The following SH3RF3 variants were observed in gnomAD, a reference collection of about 807,000 sequenced individuals.
The protein encoded by SH3RF3 is SH3 domain containing ring finger 3, also known as E3 ubiquitin-protein ligase SH3RF3.
SH3RF3 carries 29 observed loss-of-function variants against 66.3 expected under a neutral mutation model. That is an observed-to-expected ratio of 0.44 (90% CI 0.33 to 0.60). SH3RF3 has a LOEUF of 0.60. SH3RF3 is among the 20% of genes least tolerant of loss of function. The pLI, the probability that SH3RF3 is intolerant of heterozygous loss-of-function variation, is 0.04. For synonymous variants in SH3RF3, 583 were observed against 532.0 expected (o/e 1.10, Z -1.32); for missense variants, 1,194 against 1,190.9 (o/e 1.00, Z -0.04).
chr2:109,174,236 A>G (rs1677866827), intron 1 of SH3RF3, among the ~76,000 whole-genome samples: 1 of 152,260 alleles, frequency 6.6e-6, no homozygotes, highest in South Asian at 2.1e-4. Context: ...GGTGGACATC[A>G]CAGTTTTATC....
chr2:109,413,151 G>A (rs1676639286), intron 4 of SH3RF3, among the ~76,000 whole-genome samples: 1 of 152,204 alleles, frequency 6.6e-6, no homozygotes, highest in Admixed American at 6.5e-5. Context: ...GTCTTGCTCT[G>A]TCGCCCAGGC....
At chr2:109,338,557 CTTTTTA>C (rs1289648685) in intron 1 of SH3RF3, among the ~76,000 whole-genome samples, 1 of 151,950 alleles carries the variant, frequency 6.6e-6, no homozygotes, top group Non-Finnish European at 1.5e-5. Flanking sequence ...CTGTGTGTAA[CTTTTTA>C]TTTTTATTTT....
chr2:109,320,702 AG>A (rs1470036541), intron 1 of SH3RF3, among the ~76,000 whole-genome samples: 1 of 152,212 alleles, frequency 6.6e-6, no homozygotes, highest in Non-Finnish European at 1.5e-5. Context: ...TCTTCTGTAA[AG>A]ATATCAGCCC....
At chr2:109,425,888 CT>C (rs1304108334) in intron 5 of SH3RF3, among the ~76,000 whole-genome samples, 2 of 151,876 alleles carry the variant, frequency 1.3e-5, no homozygotes, top group African/African-American at 4.8e-5. Context: ...ACATCTTTTT[CT>C]TTCTTTCTTT....
At chr2:109,410,815 G>C (rs1676569063) in intron 4 of SH3RF3, among the ~76,000 whole-genome samples, 1 of 151,544 alleles carries the variant, frequency 6.6e-6, no homozygotes, top group African/African-American at 2.4e-5. Context: ...CTTCGTGGGA[G>C]ACAGGGCTGC....
intron 1 of SH3RF3, among the ~76,000 whole-genome samples, chr2:109,190,530 T>G (rs1265889610): frequency 6.6e-6 from 1 of 152,202 alleles, no homozygotes; most frequent in Non-Finnish European, 1.5e-5. Flanking sequence ...AAATGTTGAT[T>G]GTGTTTCCTG....
At chr2:109,190,461 A>G (rs1461138728) in intron 1 of SH3RF3, among the ~76,000 whole-genome samples, 1 of 152,204 alleles carries the variant, frequency 6.6e-6, no homozygotes, top group African/African-American at 2.4e-5. Context: ...GGCGTGAGCC[A>G]CTGCGCCTGG....
chr2:109,485,808 C>T (rs1162407709), intron 8 of SH3RF3, among the ~76,000 whole-genome samples: 1 of 152,258 alleles, frequency 6.6e-6, no homozygotes, highest in East Asian at 1.9e-4. Context: ...TGTTCCGTGC[C>T]TGGGCACAGG....
At chr2:109,374,351 TCAG>T (rs1389027986) in intron 3 of SH3RF3, among the ~76,000 whole-genome samples, 1 of 152,064 alleles carries the variant, frequency 6.6e-6, no homozygotes, top group African/African-American at 2.4e-5. Flanking sequence ...TCCCGGACTC[TCAG>T]CAGCCACTGA....
intron 1 of SH3RF3, chr2:109,313,763 A>T (rs1681795229): frequency 6.5e-6 from 1 of 154,984 alleles, no homozygotes; most frequent in African/African-American, 2.4e-5. Context: ...CTTTGTAGCG[A>T]TGGGGTCAGC....
intron 9 of SH3RF3, among the ~76,000 whole-genome samples, chr2:109,498,762 C>A (rs1679316505): frequency 1.3e-5 from 2 of 152,182 alleles, no homozygotes; most frequent in Admixed American, 6.5e-5. Flanking sequence ...ATGGGGCTTG[C>A]AGACTGGTGC....
intron 1 of SH3RF3, among the ~76,000 whole-genome samples, chr2:109,332,561 G>C (rs945908920): frequency 2.0e-5 from 3 of 152,192 alleles, no homozygotes; most frequent in African/African-American, 7.2e-5. Context: ...CCGCAGTTCA[G>C]CCCTCTCTGG....
intron 1 of SH3RF3, among the ~76,000 whole-genome samples, chr2:109,279,910 G>A (rs567929579): frequency 6.6e-6 from 1 of 152,044 alleles, no homozygotes; most frequent in East Asian, 1.9e-4. Flanking sequence ...GATGAGAGTT[G>A]GGAGGTAATT....
chr2:109,338,278 A>G (rs1409343627), intron 1 of SH3RF3, among the ~76,000 whole-genome samples: 3 of 152,192 alleles, frequency 2.0e-5, no homozygotes, highest in African/African-American at 7.2e-5. Context: ...TTTTGCAGGT[A>G]CGGAAACTGA....
At chr2:109,403,636 G>T (rs959308805) in intron 4 of SH3RF3, among the ~76,000 whole-genome samples, 6 of 152,228 alleles carry the variant, frequency 3.9e-5, no homozygotes, top group Non-Finnish European at 7.3e-5. Flanking sequence ...CCCCTGCTTT[G>T]CTTTTCTTTT....
intron 1 of SH3RF3, among the ~76,000 whole-genome samples, chr2:109,326,851 G>A (rs1682172742): frequency 6.6e-6 from 1 of 152,222 alleles, no homozygotes; most frequent in Non-Finnish European, 1.5e-5. Flanking sequence ...GGTGCGCACA[G>A]CCACTGGCCC....
At chr2:109,251,339 C>G in intron 1 of SH3RF3, 1 of 518,296 alleles carries the variant, frequency 1.9e-6, no homozygotes, top group East Asian at 4.2e-5. Flanking sequence ...TAGAGAGATG[C>G]AAGACACCCG....
chr2:109,381,518 C>T (rs1178303277), intron 3 of SH3RF3, among the ~76,000 whole-genome samples: 2 of 152,138 alleles, frequency 1.3e-5, no homozygotes, highest in Non-Finnish European at 2.9e-5. Context: ...GCCCTCCCTT[C>T]AGCGTGGCCA....
At chr2:109,278,899 T>C (rs1680820143) in intron 1 of SH3RF3, among the ~76,000 whole-genome samples, 1 of 152,172 alleles carries the variant, frequency 6.6e-6, no homozygotes, top group Admixed American at 6.5e-5. Flanking sequence ...GGATGAGTGT[T>C]TGCTGGGCAG....
Sources: allele counts gnomAD v4.1 joint callset (sites outside exome capture counted in the v4.1 genomes callset), GRCh38; gene constraint gnomAD v4.1.1; transcripts MANE v1.5; gene names NCBI Gene and HGNC (gene_info 2026-07-23, HGNC 2026-07-21).